The following PKHD1 variants were observed in gnomAD, a reference collection of about 807,000 sequenced individuals.
PKHD1 encodes fibrocystin.
A neutral mutation model predicts 412.0 loss-of-function variants in PKHD1; 291 were observed. The observed-to-expected ratio is 0.71, with a 90% CI of 0.64 to 0.78. The LOEUF (loss-of-function observed/expected upper bound fraction) is 0.78, where lower values mean the gene tolerates loss of function less well. Among genes scored for constraint, PKHD1 ranks in the 30% least tolerant of loss-of-function variants. PKHD1 has a pLI of 0.00. For synonymous variants in PKHD1, 1,777 were observed against 1,821.5 expected (o/e 0.98, Z 0.62); for missense variants, 4,825 against 4,950.7 (o/e 0.97, Z 0.76).
chr6:51,675,257 G>A (rs1189069239), intron 60 of PKHD1, among the ~76,000 whole-genome samples: 1 of 152,136 alleles, frequency 6.6e-6, no homozygotes, highest in Non-Finnish European at 1.5e-5. Flanking sequence ...TGACAGTTCA[G>A]CATCACTTCT....
At chr6:51,652,468 C>A (rs901446556) in intron 61 of PKHD1, among the ~76,000 whole-genome samples, 57 of 152,172 alleles carry the variant, frequency 3.7e-4, no homozygotes, top group Middle Eastern at 3.4e-3. Context: ...CTCTCTTCAA[C>A]CTTCTTCTCA....
chr6:51,753,180 A>T (rs771490559), intron 57 of PKHD1, 21 bp downstream of exon 57: 1 of 1,611,228 alleles, frequency 6.2e-7, no homozygotes, highest in African/African-American at 1.3e-5. Context: ...GTAATGGCCA[A>T]TTACTTAAAA....
chr6:52,017,107 C>T (rs1800657669), intron 34 of PKHD1, among the ~76,000 whole-genome samples: 1 of 152,086 alleles, frequency 6.6e-6, no homozygotes, highest in Non-Finnish European at 1.5e-5. Context: ...AATCTTTTTC[C>T]CCATTGGCAT....
intron 23 of PKHD1, among the ~76,000 whole-genome samples, chr6:52,046,546 A>G (rs1224656841): frequency 1.3e-5 from 2 of 152,204 alleles, no homozygotes; most frequent in Non-Finnish European, 2.9e-5. Flanking sequence ...TCTTCCCTGG[A>G]AAAATTTAGC....
rs545322778 is a variant in PKHD1 at position 51,925,540 on chromosome 6, C to T, written c.6121+8570G>A. On this transcript the variant is annotated intron_variant, in intron 37 of 66. Transcript: ENST00000371117. ...AGACTAAGTAAAGAAGATTGCCTTC[C>T]TTAATGTAGATGAGCCTTATCCAAT... Among the ~76,000 whole-genome samples the T allele has an allele frequency of 9.9e-5, 15 of 151,840 alleles. No individual in the cohort carries two copies. In the East Asian group the frequency reaches 2.7e-3, roughly 27 times the overall value.
Position 52,035,735 on chromosome 6 carries a change from A to T in PKHD1, c.3098-14T>A, listed in dbSNP as rs1182782683. ...CCCAGAGCCCTCCTGTAACAAAAAC[A>T]GCATATTCAAATGGGATCACCAACC... On this transcript the variant is annotated splice_polypyrimidine_tract_variant and intron_variant, in intron 27 of 66. Coordinates refer to ENST00000371117, the MANE Select transcript of PKHD1 (RefSeq NM_138694.4). 4 of 1,613,450 alleles carry T rather than the reference A, an allele frequency of 2.5e-6. No individual in the cohort carries two copies. In the African/African-American group the frequency reaches 4.0e-5, roughly 16 times the overall value.
chr6:51,805,645 A>T (rs1763648224), intron 52 of PKHD1, among the ~76,000 whole-genome samples: 1 of 152,220 alleles, frequency 6.6e-6, no homozygotes, highest in East Asian at 1.9e-4. Flanking sequence ...AAGAGAGCAG[A>T]TTAGGAAGAC....
intron 48 of PKHD1, among the ~76,000 whole-genome samples, chr6:51,857,837 T>G (rs759455830): frequency 6.6e-6 from 1 of 152,216 alleles, no homozygotes; most frequent in Admixed American, 6.5e-5. Flanking sequence ...TAAATGTATT[T>G]GTTTCATCCA....
At chr6:51,754,309 G>C (rs1582476180) in intron 56 of PKHD1, among the ~76,000 whole-genome samples, 1 of 152,016 alleles carries the variant, frequency 6.6e-6, no homozygotes, top group African/African-American at 2.4e-5. Context: ...AGTAATAGTA[G>C]TAGTTAATAC....
chr6:51,680,052 T>C (rs1480068429), intron 60 of PKHD1, among the ~76,000 whole-genome samples: 1 of 151,986 alleles, frequency 6.6e-6, no homozygotes, highest in Non-Finnish European at 1.5e-5. Flanking sequence ...ATAATAATGC[T>C]ACGGTATCAA....
chr6:51,754,863 A>G lies in PKHD1; in HGVS notation c.8718T>C (p.His2906=). The G allele has an allele frequency of 6.2e-7, 1 of 1,612,646 alleles. No homozygotes were observed. Among genetic ancestry groups the G allele is most frequent in the Non-Finnish European group, 8.5e-7 (1 of 1,178,720 alleles). The change falls in exon 56 of 67, where the codon CAT becomes CAC. Residue 2906 remains histidine, a synonymous_variant. Coordinates refer to ENST00000371117, the MANE Select transcript of PKHD1 (RefSeq NM_138694.4). ...IVLSSSSYEP[H]EAEVLTVKEV... ...CTTTCACAGTGAGGACCTCTGCTTC[A>G]TGAGGCTCATAAGAAGAGGAGCTAA...
rs575897957 is a variant in PKHD1 at position 51,861,799 on chromosome 6, GCAA to G, written c.7734-5732_7734-5730del. ...CTCTAAGGAAGTATCTACAGTTTTT[GCAA>G]CATAGTTATCTGCTGTTATATTAGG... On this transcript the variant is annotated intron_variant, in intron 48 of 66. Transcript: ENST00000371117. Among the ~76,000 whole-genome samples, 687 of 152,272 alleles carry G rather than the reference GCAA, an allele frequency of 4.5e-3. 7 individuals carry two copies. Among genetic ancestry groups the G allele is most frequent in the African/African-American group, 0.015 (636 of 41,550 alleles).
In PKHD1 at chr6:51,920,743, G is replaced by A. The variant is rs532653004; in HGVS notation, c.6122-8167C>T. Among the ~76,000 whole-genome samples, 813 of 152,250 alleles carry A rather than the reference G, an allele frequency of 5.3e-3. 7 individuals carry two copies. The highest frequency in any genetic ancestry group is 0.018 in the African/African-American group (745 of 41,548). Reference sequence around the variant, plus strand: ...TCTGGTAGAATTCGGCTGTGAATCCGTCTGGTCCTGGACTTTTTTTGGTTG... The same window carrying A: ...TCTGGTAGAATTCGGCTGTGAATCCATCTGGTCCTGGACTTTTTTTGGTTG... On this transcript the variant is annotated intron_variant, in intron 37 of 66. Transcript: ENST00000371117.
intron 64 of PKHD1, among the ~76,000 whole-genome samples, chr6:51,633,392 T>C (rs756978435): frequency 1.3e-5 from 2 of 152,316 alleles, no homozygotes; most frequent in East Asian, 3.9e-4. Flanking sequence ...GAAAGTTACC[T>C]ATCTGCATAA....
chr6:51,697,535 T>C (rs927324052), intron 60 of PKHD1, among the ~76,000 whole-genome samples: 9 of 152,192 alleles, frequency 5.9e-5, no homozygotes, highest in South Asian at 2.1e-4. Flanking sequence ...CTGTACATCA[T>C]AGGATATTTA....
In PKHD1 at chr6:52,048,560, C is replaced by A; in HGVS notation, c.2339G>T (p.Arg780Ile). Reference protein sequence around the residue: ...GSGLVLVTTQRRQRTSPPLGG... With the variant: ...GSGLVLVTTQIRQRTSPPLGG... ...TAGAGGTGGACTTGTCCGCTGTCGT[C>A]TCTGTGTCGTCACCAGGACCAGTCC... The change falls in exon 23 of 67, where the codon AGA becomes ATA. Residue 780 changes from arginine to isoleucine, a missense_variant. Physicochemically the swap from Arg to Ile is moderately conservative, Grantham distance 97. Coordinates refer to ENST00000371117, the MANE Select transcript of PKHD1 (RefSeq NM_138694.4). The A allele has an allele frequency of 1.2e-6, 2 of 1,614,102 alleles. No homozygotes were observed. Among genetic ancestry groups the A allele is most frequent in the Non-Finnish European group, 1.7e-6 (2 of 1,179,958 alleles).
intron 34 of PKHD1, among the ~76,000 whole-genome samples, chr6:52,016,655 G>C (rs201419820): frequency 2.4e-5 from 3 of 126,738 alleles, no homozygotes; most frequent in African/African-American, 8.7e-5. Context: ...AAAAAAAAAA[G>C]AAAAGAAAAA....
chr6:51,646,745 C>T (rs1470568585), intron 63 of PKHD1, among the ~76,000 whole-genome samples: 1 of 152,134 alleles, frequency 6.6e-6, no homozygotes, highest in Non-Finnish European at 1.5e-5. Flanking sequence ...TTCTTTACTC[C>T]TAGTAGATTC....
At chr6:51,919,747 C>T (rs911353040) in intron 37 of PKHD1, among the ~76,000 whole-genome samples, 6 of 152,170 alleles carry the variant, frequency 3.9e-5, no homozygotes, top group African/African-American at 7.2e-5. Context: ...GATATTGATT[C>T]TTCCTATCCA....
Sources: allele counts gnomAD v4.1 joint callset (sites outside exome capture counted in the v4.1 genomes callset), GRCh38; gene constraint gnomAD v4.1.1; transcripts MANE v1.5; gene names NCBI Gene and HGNC (gene_info 2026-07-23, HGNC 2026-07-21).